The following LRRC4C variants were observed in gnomAD, a reference collection of about 807,000 sequenced individuals.
The protein encoded by LRRC4C is leucine-rich repeat-containing protein 4C.
In LRRC4C, 5 loss-of-function variants were observed where a neutral mutation model predicts 33.6. The observed-to-expected ratio is 0.15, with a 90% CI of 0.08 to 0.31. The LOEUF (loss-of-function observed/expected upper bound fraction) is 0.31, where lower values mean the gene tolerates loss of function less well. Among genes scored for constraint, LRRC4C ranks in the 10% least tolerant of loss-of-function variants. The probability of loss-of-function intolerance (pLI) is 1.00; values close to 1 mark genes in which losing one functional copy is unlikely to be tolerated. For synonymous variants in LRRC4C, 329 were observed against 302.0 expected (o/e 1.09, Z -0.93); for missense variants, 560 against 796.7 (o/e 0.70, Z 3.58).
At chr11:40,854,991 C>G (rs73472646) in intron 2 of LRRC4C, among the ~76,000 whole-genome samples, 2,237 of 152,150 alleles carry the variant, frequency 0.015, 57 homozygotes, top group African/African-American at 0.052. Context: ...TTGATAAACT[C>G]GCTAAAGTTG....
intron 2 of LRRC4C, among the ~76,000 whole-genome samples, chr11:40,746,203 C>T (rs888203559): frequency 6.6e-6 from 1 of 152,248 alleles, no homozygotes; most frequent in Non-Finnish European, 1.5e-5. Context: ...AGTCCTCAAC[C>T]TTTGCAGGCC....
At chr11:41,368,656 G>A (rs994034502) in intron 1 of LRRC4C, among the ~76,000 whole-genome samples, 5 of 152,084 alleles carry the variant, frequency 3.3e-5, no homozygotes, top group South Asian at 2.1e-4. Context: ...TAAAACATAC[G>A]GAAAAATCCT....
intron 3 of LRRC4C, among the ~76,000 whole-genome samples, chr11:40,422,841 G>A (rs1249283066): frequency 2.6e-5 from 4 of 152,120 alleles, no homozygotes; most frequent in African/African-American, 9.7e-5. Flanking sequence ...GTAGTGAGCT[G>A]AGCTACTTGC....
intron 2 of LRRC4C, among the ~76,000 whole-genome samples, chr11:40,757,175 T>C (rs924277584): frequency 4.6e-5 from 7 of 152,196 alleles, no homozygotes; most frequent in African/African-American, 1.7e-4. Context: ...ATGAATCTTT[T>C]GGATATTTTA....
At position 41,211,694 on chromosome 11, in the gene LRRC4C, T is replaced by A. The variant is rs149132633; in HGVS notation, c.-496+247737A>T. ...ATTATGGCTGCATAGTATTCCATGG[T>A]GTATATGTGCCACATTTTCTTAATC... On this transcript the variant is annotated intron_variant, in intron 1 of 6. Transcript: ENST00000528697. Among the ~76,000 whole-genome samples the A allele has an allele frequency of 2.3e-3, 353 of 152,316 alleles. 5 individuals are homozygous for A. In the East Asian group the frequency reaches 0.061, roughly 26 times the overall value.
At chr11:41,386,767 ATACT>A (rs1255255518) in intron 1 of LRRC4C, among the ~76,000 whole-genome samples, 2 of 151,688 alleles carry the variant, frequency 1.3e-5, no homozygotes, top group East Asian at 1.9e-4. Context: ...CAGGGTGCAA[ATACT>A]TACTGTATAG....
intron 1 of LRRC4C, among the ~76,000 whole-genome samples, chr11:41,378,489 G>A (rs930756797): frequency 6.6e-5 from 10 of 152,076 alleles, no homozygotes; most frequent in South Asian, 2.1e-4. Flanking sequence ...ACAGCGGAGA[G>A]CAGACTTTAC....
chr11:41,023,438 G>C (rs1856121488), intron 1 of LRRC4C, among the ~76,000 whole-genome samples: 1 of 151,658 alleles, frequency 6.6e-6, no homozygotes, highest in Non-Finnish European at 1.5e-5. Context: ...ATGGGATAAA[G>C]CATTATCTCT....
At chr11:41,021,059 A>G (rs552081943) in intron 1 of LRRC4C, among the ~76,000 whole-genome samples, 49 of 152,156 alleles carry the variant, frequency 3.2e-4, no homozygotes, top group Non-Finnish European at 6.6e-4. Flanking sequence ...ATTTATAATT[A>G]AGTAACTGTT....
At chr11:40,906,367 T>C (rs948959506) in intron 2 of LRRC4C, among the ~76,000 whole-genome samples, 1 of 151,984 alleles carries the variant, frequency 6.6e-6, no homozygotes, top group Non-Finnish European at 1.5e-5. Context: ...AAAAATTAGT[T>C]GGGCATGGTG....
At chr11:41,278,314 T>G (rs533175859) in intron 1 of LRRC4C, among the ~76,000 whole-genome samples, 34 of 152,274 alleles carry the variant, frequency 2.2e-4, no homozygotes, top group African/African-American at 8.2e-4. Context: ...AAACTTTGAC[T>G]TTAAGTGAAA....
chr11:40,730,433 T>C (rs896263389), intron 2 of LRRC4C, among the ~76,000 whole-genome samples: 3 of 152,166 alleles, frequency 2.0e-5, no homozygotes, highest in Non-Finnish European at 4.4e-5. Flanking sequence ...AAATGGGGAA[T>C]ATATTTCCAT....
chr11:40,189,011 AAC>A (rs942429903), intron 5 of LRRC4C, among the ~76,000 whole-genome samples: 1 of 152,168 alleles, frequency 6.6e-6, no homozygotes, highest in African/African-American at 2.4e-5. Flanking sequence ...GTAATGGGCA[AAC>A]ACGATTGTGT....
intron 2 of LRRC4C, among the ~76,000 whole-genome samples, chr11:40,856,110 T>C (rs575604453): frequency 2.0e-5 from 3 of 152,154 alleles, no homozygotes; most frequent in African/African-American, 7.2e-5. Flanking sequence ...ATTCTAAAGT[T>C]TCTGGGAGCC....
chr11:41,022,165 T>TATATATATATATATATATATATAA, intron 1 of LRRC4C, among the ~76,000 whole-genome samples: 1 of 147,806 alleles, frequency 6.8e-6, no homozygotes, highest in African/African-American at 2.5e-5. Context: ...TATATATATA[T>TATATATATATATATATATATATAA]GTATATATCT....
chr11:40,860,814 T>C (rs1301536236), intron 2 of LRRC4C, among the ~76,000 whole-genome samples: 1 of 69,492 alleles, frequency 1.4e-5, no homozygotes, highest in Non-Finnish European at 2.8e-5. Context: ...TTTTTTTTTT[T>C]TTCAGTGAGG....
intron 2 of LRRC4C, among the ~76,000 whole-genome samples, chr11:40,665,541 C>T (rs991825964): frequency 6.6e-6 from 1 of 151,178 alleles, no homozygotes; most frequent in Non-Finnish European, 1.5e-5. Flanking sequence ...TTCAGAGAAT[C>T]ACAACACCTC....
intron 4 of LRRC4C, among the ~76,000 whole-genome samples, chr11:40,294,760 G>A (rs1051140079): frequency 3.3e-5 from 5 of 152,120 alleles, no homozygotes; most frequent in African/African-American, 1.2e-4. Flanking sequence ...CCGGGAGACG[G>A]AGGTTGCAGT....
At chr11:40,991,524 C>T (rs375495891) in intron 1 of LRRC4C, among the ~76,000 whole-genome samples, 1 of 152,112 alleles carries the variant, frequency 6.6e-6, no homozygotes, top group Admixed American at 6.6e-5. Flanking sequence ...AAGCACATTA[C>T]ACTTATTTGT....
Sources: allele counts gnomAD v4.1 joint callset (sites outside exome capture counted in the v4.1 genomes callset), GRCh38; gene constraint gnomAD v4.1.1; transcripts MANE v1.5; gene names NCBI Gene and HGNC (gene_info 2026-07-23, HGNC 2026-07-21).